The following ANXA6 variants were observed in gnomAD, a reference collection of about 807,000 sequenced individuals.
ANXA6 encodes the protein annexin A6, also known as 67 kDa calelectrin.
In ANXA6, 71 loss-of-function variants were observed where a neutral mutation model predicts 95.4. The observed-to-expected ratio is 0.74, with a 90% CI of 0.61 to 0.91. The LOEUF is 0.91. Among genes scored for constraint, ANXA6 ranks in the 40% least tolerant of loss-of-function variants. ANXA6 has a pLI of 0.00. For missense variants in ANXA6, 830 were observed against 876.4 expected (o/e 0.95, Z 0.67); for synonymous variants, 289 against 315.9 (o/e 0.91, Z 0.90).
At chr5:151,111,519 G>C (rs1482473508) in intron 20 of ANXA6, among the ~76,000 whole-genome samples, 1 of 152,180 alleles carries the variant, frequency 6.6e-6, no homozygotes, top group African/African-American at 2.4e-5. Context: ...CAATTATATT[G>C]CTAGGAATTT....
intron 2 of ANXA6, 121 bp downstream of exon 2, chr5:151,147,763 C>CA: frequency 2.7e-6 from 3 of 1,117,946 alleles, no homozygotes; most frequent in Non-Finnish European, 3.9e-6. Context: ...AGCCTAAGAA[C>CA]CTTTCCTCCT....
intron 6 of ANXA6, among the ~76,000 whole-genome samples, chr5:151,136,980 T>G (rs917799418): frequency 6.6e-6 from 1 of 152,250 alleles, no homozygotes; most frequent in African/African-American, 2.4e-5. Context: ...TTCACCTGTT[T>G]ATTGTGTGTC....
chr5:151,103,908 AGT>A (rs1353543011), intron 24 of ANXA6, among the ~76,000 whole-genome samples: 1 of 152,244 alleles, frequency 6.6e-6, no homozygotes, highest in Non-Finnish European at 1.5e-5. Context: ...TGGGTTGAAT[AGT>A]GTCCCCATGT....
At chr5:151,110,104 C>T (rs542440946) in intron 21 of ANXA6, among the ~76,000 whole-genome samples, 2 of 152,216 alleles carry the variant, frequency 1.3e-5, no homozygotes, top group Middle Eastern at 3.4e-3. Flanking sequence ...GCCTCAGGAC[C>T]GTGGGGCTGG....
intron 6 of ANXA6, 48 bp from the exon 7 acceptor site, chr5:151,136,383 G>GCCCTTT: frequency 6.3e-7 from 1 of 1,579,848 alleles, no homozygotes. Context: ...AGACCTCAGG[G>GCCCTTT]ATCTAGGATA....
intron 23 of ANXA6, among the ~76,000 whole-genome samples, chr5:151,107,299 G>T (rs1157046169): frequency 6.6e-6 from 1 of 152,218 alleles, no homozygotes; most frequent in Non-Finnish European, 1.5e-5. Context: ...CACCCTATGG[G>T]CTGGGCACTG....
chr5:151,145,722 C>T (rs1165681833), intron 2 of ANXA6, among the ~76,000 whole-genome samples: 2 of 152,176 alleles, frequency 1.3e-5, no homozygotes, highest in Admixed American at 6.5e-5. Context: ...ACAACTGCAG[C>T]TCAACGGCAG....
intron 1 of ANXA6, chr5:151,154,873 C>T (rs1766196115): frequency 6.6e-6 from 1 of 152,042 alleles, no homozygotes. Flanking sequence ...AGTATAGATG[C>T]TGGAGCCAGA....
At chr5:151,143,349 T>C (rs572582078) in intron 2 of ANXA6, among the ~76,000 whole-genome samples, 7 of 152,266 alleles carry the variant, frequency 4.6e-5, no homozygotes, top group African/African-American at 1.7e-4. Context: ...ATTTGAGTTA[T>C]TGCCCTGTGC....
intron 23 of ANXA6, among the ~76,000 whole-genome samples, chr5:151,106,666 A>T (rs1412118335): frequency 1.3e-5 from 2 of 152,046 alleles, no homozygotes; most frequent in Non-Finnish European, 2.9e-5. Flanking sequence ...ATCAAATCCC[A>T]TCCTTCAAGG....
At chr5:151,118,180 A>G (rs999353185) in intron 18 of ANXA6, among the ~76,000 whole-genome samples, 1 of 152,166 alleles carries the variant, frequency 6.6e-6, no homozygotes, top group Non-Finnish European at 1.5e-5. Flanking sequence ...TGCTAAACCC[A>G]AAAGCAGAGC....
At chr5:151,129,206 C>T (rs1765419716) in intron 12 of ANXA6, among the ~76,000 whole-genome samples, 1 of 152,234 alleles carries the variant, frequency 6.6e-6, no homozygotes, top group African/African-American at 2.4e-5. Context: ...TGTAGCCTTA[C>T]CACTCACAAA....
In ANXA6 at chr5:151,138,671, T is replaced by G; in HGVS notation, c.318+7A>C. 1.9e-6 allele frequency: 3 copies of G among 1,606,930 alleles called. No individual in the cohort carries two copies. Among genetic ancestry groups the G allele is most frequent in the Non-Finnish European group, 2.6e-6 (3 of 1,173,814 alleles). On this transcript the variant is annotated splice_region_variant and intron_variant, in intron 5 of 25. Transcript: ENST00000354546. ...ACCCCAACACCACATACACCCCCACTTCTTACCGAGATGGCATCTTTAATT... is the reference window on the plus strand; with the variant it reads ...ACCCCAACACCACATACACCCCCACGTCTTACCGAGATGGCATCTTTAATT...
intron 20 of ANXA6, among the ~76,000 whole-genome samples, chr5:151,112,267 T>A (rs949148038): frequency 6.6e-6 from 1 of 152,208 alleles, no homozygotes; most frequent in Non-Finnish European, 1.5e-5. Flanking sequence ...GTATAGCATA[T>A]TTTTGTGTAA....
In ANXA6 at chr5:151,111,356, T is replaced by C. The variant is rs139639212; in HGVS notation, c.1573-712A>G. The stretch of plus-strand genomic sequence containing the variant: ...CTAGGCTGCGTATTGCTTTCGCCGT[T>C]CCCCCAGAAACTCTGCTGACTTTAT... On this transcript the variant is annotated intron_variant, in intron 20 of 25. Coordinates refer to ENST00000354546, the MANE Select transcript of ANXA6 (RefSeq NM_001155.5). 1.2e-3 allele frequency among the ~76,000 whole-genome samples: 190 copies of C among 152,286 alleles called. 1 individual carries two copies. The highest frequency in any genetic ancestry group is 4.2e-3 in the African/African-American group (174 of 41,568).
At chr5:151,121,288 C>T (rs1185916573) in intron 17 of ANXA6, among the ~76,000 whole-genome samples, 1 of 152,200 alleles carries the variant, frequency 6.6e-6, no homozygotes, top group Non-Finnish European at 1.5e-5. Flanking sequence ...GTCTCAGTTT[C>T]CTCATCTGTA....
chr5:151,128,390 A>G (rs963493473), intron 12 of ANXA6, 151 bp from the exon 13 acceptor site: 20 of 654,866 alleles, frequency 3.1e-5, no homozygotes, highest in Non-Finnish European at 4.8e-5. Flanking sequence ...TTAATATTGA[A>G]TAACTGGTTC....
intron 20 of ANXA6, among the ~76,000 whole-genome samples, chr5:151,111,121 C>T (rs1318325059): frequency 6.6e-6 from 1 of 152,216 alleles, no homozygotes; most frequent in Non-Finnish European, 1.5e-5. Context: ...CTTCATGTTA[C>T]AGACAGGAAA....
rs116344070 is a variant in ANXA6 at position 151,144,763 on chromosome 5, C to T, written c.18+3121G>A. ...AGACAAGCTTCTTGAGCAGCAAGCT[C>T]GGGCTCCTGCACAGTTCTTTGCACG... On this transcript the variant is annotated intron_variant, in intron 2 of 25. Coordinates refer to ENST00000354546, the MANE Select transcript of ANXA6 (RefSeq NM_001155.5). Among the ~76,000 whole-genome samples, 1,186 of 152,198 alleles carry T rather than the reference C, an allele frequency of 7.8e-3. 17 individuals are homozygous for T. The highest frequency in any genetic ancestry group is 0.027 in the African/African-American group (1,112 of 41,510).
Sources: allele counts gnomAD v4.1 joint callset (sites outside exome capture counted in the v4.1 genomes callset), GRCh38; gene constraint gnomAD v4.1.1; transcripts MANE v1.5; gene names NCBI Gene and HGNC (gene_info 2026-07-23, HGNC 2026-07-21).